KCMF1: variants seen among roughly 807,000 people sequenced by gnomAD.
KCMF1 encodes the protein potassium channel modulatory factor 1, also known as E3 ubiquitin-protein ligase KCMF1.
KCMF1 carries 3 observed loss-of-function variants against 41.1 expected under a neutral mutation model. That is an observed-to-expected ratio of 0.07 (90% confidence interval 0.03 to 0.19). The LOEUF is 0.19. Ranked by LOEUF, KCMF1 falls within the 10% of genes least tolerant of loss-of-function variation. The pLI, the probability that KCMF1 is intolerant of heterozygous loss-of-function variation, is 1.00. For synonymous variants in KCMF1, 142 were observed against 164.5 expected (o/e 0.86, Z 1.04); for missense variants, 286 against 488.9 (o/e 0.58, Z 3.91).
At chr2:85,046,773 A>C (rs1327775686) in intron 5 of KCMF1, among the ~76,000 whole-genome samples, 7 of 152,178 alleles carry the variant, frequency 4.6e-5, no homozygotes. Context: ...AAAGTAATTC[A>C]TACTCTTCTG....
rs1045376017 is a variant in KCMF1 at position 85,033,836 on chromosome 2, A to C, written c.185-1180A>C. Among the ~76,000 whole-genome samples, 4 of 152,230 alleles carry C rather than the reference A, an allele frequency of 2.6e-5. 1 individual carries two copies. Among genetic ancestry groups the C allele is most frequent in the Non-Finnish European group, 1.5e-5 (1 of 68,020 alleles). The stretch of plus-strand genomic sequence containing the variant: ...TTCAGATACACTTACGAGGTGAACA[A>C]ATTATTCCTACAGACTAACTGGTTA... On this transcript the variant is annotated intron_variant, in intron 2 of 6. Coordinates refer to ENST00000409785, the MANE Select transcript of KCMF1 (RefSeq NM_020122.5).
intron 1 of KCMF1, among the ~76,000 whole-genome samples, chr2:84,996,237 T>TA (rs1459236353): frequency 1.3e-5 from 2 of 152,214 alleles, no homozygotes; most frequent in Non-Finnish European, 2.9e-5. Flanking sequence ...TATTGTCTGT[T>TA]ACACTGCAGG....
chr2:85,001,400 C>T (rs778480358), intron 1 of KCMF1, among the ~76,000 whole-genome samples: 3 of 151,978 alleles, frequency 2.0e-5, no homozygotes, highest in Admixed American at 6.6e-5. Context: ...CTCAAGTGAG[C>T]TGCCTGCCCT....
chr2:85,009,880 A>G (rs1022580167), intron 1 of KCMF1, among the ~76,000 whole-genome samples: 4 of 152,164 alleles, frequency 2.6e-5, no homozygotes, highest in Admixed American at 1.3e-4. Context: ...CCTTTTATCC[A>G]TCTTCTATCC....
chr2:85,007,662 AC>A (rs1394973120), intron 1 of KCMF1, among the ~76,000 whole-genome samples: 1 of 152,226 alleles, frequency 6.6e-6, no homozygotes, highest in Non-Finnish European at 1.5e-5. Context: ...AGATACGGGG[AC>A]TGGGCCCCAG....
chr2:84,994,586 A>G (rs1674132147), intron 1 of KCMF1, among the ~76,000 whole-genome samples: 1 of 152,056 alleles, frequency 6.6e-6, no homozygotes, highest in African/African-American at 2.4e-5. Context: ...CATTTTTAGT[A>G]GAAACGGGGT....
chr2:85,033,650 C>T (rs1675337440), intron 2 of KCMF1, among the ~76,000 whole-genome samples: 1 of 152,188 alleles, frequency 6.6e-6, no homozygotes, highest in South Asian at 2.1e-4. Flanking sequence ...AGAATTCACT[C>T]CTGAGAAAGG....
intron 1 of KCMF1, among the ~76,000 whole-genome samples, chr2:85,019,210 G>A (rs1168220280): frequency 2.0e-5 from 3 of 152,174 alleles, no homozygotes; most frequent in African/African-American, 7.2e-5. Context: ...CCAAGGGACT[G>A]CAGCAAAGAG....
At chr2:84,981,778 T>C (rs1673762010) in intron 1 of KCMF1, among the ~76,000 whole-genome samples, 1 of 152,028 alleles carries the variant, frequency 6.6e-6, no homozygotes, top group Non-Finnish European at 1.5e-5. Flanking sequence ...TGTTTGTTTG[T>C]TTGTTTGTTT....
At chr2:85,024,792 T>G (rs1675053838) in intron 1 of KCMF1, among the ~76,000 whole-genome samples, 1 of 152,158 alleles carries the variant, frequency 6.6e-6, no homozygotes, top group East Asian at 1.9e-4. Context: ...TTTCCCCACA[T>G]GCAGATAATC....
chr2:85,044,949 G>A lies in KCMF1; in HGVS notation c.427-1155G>A, dbSNP rs528561794. Among the ~76,000 whole-genome samples the A allele has an allele frequency of 4.6e-5, 7 of 152,244 alleles. No individual in the cohort carries two copies. The East Asian group carries it at 7.7e-4, about 17-fold the overall frequency. On this transcript the variant is annotated intron_variant, in intron 4 of 6. Transcript: ENST00000409785. ...TCTGATTTCAGGTTATGAATTGTTC[G>A]TCTAAAACTGTCACCAGCTGGGTAC...
At chr2:85,009,638 A>G (rs559104185) in intron 1 of KCMF1, among the ~76,000 whole-genome samples, 1 of 151,516 alleles carries the variant, frequency 6.6e-6, no homozygotes, top group Non-Finnish European at 1.5e-5. Flanking sequence ...CCATGTTCTG[A>G]TTTCTGTCTC....
At chr2:85,037,880 T>C (rs2104045562) in intron 3 of KCMF1, among the ~76,000 whole-genome samples, 1 of 152,326 alleles carries the variant, frequency 6.6e-6, no homozygotes, top group Non-Finnish European at 1.5e-5. Context: ...CATTACCGCC[T>C]GAACTCCACT....
chr2:85,047,596 T>TAAA (rs202167081), intron 5 of KCMF1, among the ~76,000 whole-genome samples: 5 of 131,988 alleles, frequency 3.8e-5, no homozygotes, highest in Admixed American at 3.1e-4. Context: ...GGAAAAATCT[T>TAAA]AAAAAAAAAA....
Position 85,058,098 on chromosome 2 carries a change from C to T in KCMF1, c.*4689C>T, listed in dbSNP as rs956639079. The T allele has an allele frequency of 6.6e-6, 1 of 152,528 alleles. No individual in the cohort carries two copies. Among genetic ancestry groups the T allele is most frequent in the Non-Finnish European group, 1.5e-5 (1 of 68,382 alleles). The allele number at this position is 152,528 out of a possible 1,614,324, so 9.4% of individuals were successfully genotyped here. ...GGCTGCACATGGCTGATTTGAAAAC[C>T]CATGTGGGGCCGGGTGTGGTGGCTC... On this transcript the variant is annotated 3_prime_UTR_variant, in exon 7 of 7. Transcript: ENST00000409785.
rs550189383 is a variant in KCMF1, at chr2:85,017,232, T to C, written c.17-10657T>C. 9.2e-5 allele frequency among the ~76,000 whole-genome samples: 14 copies of C among 151,916 alleles called. No homozygotes were observed. In the East Asian group the frequency reaches 2.5e-3, roughly 27 times the overall value. On this transcript the variant is annotated intron_variant, in intron 1 of 6. Coordinates refer to ENST00000409785, the MANE Select transcript of KCMF1 (RefSeq NM_020122.5). Reference sequence around the variant, plus strand: ...TAGTAGAGACGGGGTTTCACCTTGTTAGCCAGGATGGTCTCGATCTCCTGA... The same window carrying C: ...TAGTAGAGACGGGGTTTCACCTTGTCAGCCAGGATGGTCTCGATCTCCTGA...
At chr2:84,976,239 C>T (rs1673541215) in intron 1 of KCMF1, among the ~76,000 whole-genome samples, 1 of 148,088 alleles carries the variant, frequency 6.8e-6, no homozygotes, top group East Asian at 2.0e-4. Context: ...CAGAGTCTCG[C>T]TCTGTCGCCC....
chr2:85,049,231 T>G, intron 5 of KCMF1, 135 bp from the exon 6 acceptor site: 1 of 824,338 alleles, frequency 1.2e-6, no homozygotes, highest in South Asian at 1.7e-5. Flanking sequence ...AGGATTCAGC[T>G]CTTAAACTGT....
intron 3 of KCMF1, among the ~76,000 whole-genome samples, chr2:85,041,760 T>TA (rs1558585220): frequency 6.8e-6 from 1 of 147,740 alleles, no homozygotes. Flanking sequence ...ACATTGCTGG[T>TA]CTTTTTTTTT....
Sources: gnomAD v4.1 joint callset for allele counts (sites outside exome capture counted in the v4.1 genomes callset) on GRCh38, gnomAD v4.1.1 for gene constraint, MANE v1.5 for transcripts, NCBI Gene and HGNC (gene_info 2026-07-23, HGNC 2026-07-21) for gene names.